Variants in PACS1 observed in about 807,000 individuals in gnomAD.
PACS1 encodes phosphofurin acidic cluster sorting protein 1.
Under a neutral mutation model 115.0 loss-of-function variants are expected in PACS1, and 24 were observed. The ratio of observed to expected loss-of-function variants is 0.21; its 90% CI spans 0.15 to 0.29. The LOEUF is 0.29. Ranked by LOEUF, PACS1 falls within the 10% of genes least tolerant of loss-of-function variation. PACS1 has a pLI of 1.00. For synonymous variants in PACS1, 453 were observed against 504.5 expected (o/e 0.90, Z 1.37); for missense variants, 838 against 1,251.2 (o/e 0.67, Z 4.98).
intron 1 of PACS1, among the ~76,000 whole-genome samples, chr11:66,167,194 C>T (rs1034630024): frequency 2.0e-5 from 3 of 150,230 alleles, no homozygotes; most frequent in South Asian, 2.1e-4. Context: ...TTTCCTCTTC[C>T]GGAAACATGG....
At chr11:66,134,612 T>A (rs1858799189) in intron 1 of PACS1, among the ~76,000 whole-genome samples, 1 of 152,076 alleles carries the variant, frequency 6.6e-6, no homozygotes, top group Non-Finnish European at 1.5e-5. Flanking sequence ...TTCCAATGGC[T>A]TATAGTTTAG....
At chr11:66,119,596 T>A (rs889231772) in intron 1 of PACS1, among the ~76,000 whole-genome samples, 2 of 152,254 alleles carry the variant, frequency 1.3e-5, no homozygotes, top group African/African-American at 4.8e-5. Flanking sequence ...ATTTGAGACA[T>A]CTCTTTTCCT....
At position 66,230,589 on chromosome 11, in the gene PACS1, T is replaced by C; in HGVS notation, c.1416T>C (p.Ser472=). 1 of 1,613,878 alleles carries C rather than the reference T, an allele frequency of 6.2e-7. No homozygotes were observed. The highest frequency in any genetic ancestry group is 8.5e-7 in the Non-Finnish European group (1 of 1,179,914). The change falls in exon 12 of 24, where the codon AGT becomes AGC. Residue 472 remains serine, a synonymous_variant. Transcript: ENST00000320580. The part of the protein sequence containing the change: ...DQDMFGDAST[S]LVVPEKVKTP... ...ACATGTTTGGAGATGCCAGCACGAG[T>C]CTGGTTGTGCCGGAGAAAGTCAAAA...
chr11:66,189,932 A>T (rs1036100557), intron 1 of PACS1, among the ~76,000 whole-genome samples: 4 of 152,200 alleles, frequency 2.6e-5, no homozygotes, highest in African/African-American at 7.2e-5. Flanking sequence ...TTCTCTGCAA[A>T]CCTGGCTGCT....
intron 1 of PACS1, among the ~76,000 whole-genome samples, chr11:66,143,432 T>C (rs1192279490): frequency 1.3e-5 from 2 of 152,192 alleles, no homozygotes; most frequent in Non-Finnish European, 2.9e-5. Context: ...GTCTGCTTGA[T>C]GCCAACGTGC....
chr11:66,220,541 A>C, intron 8 of PACS1, 90 bp from the exon 9 acceptor site: 1 of 1,262,798 alleles, frequency 7.9e-7, no homozygotes, highest in Non-Finnish European at 1.1e-6. Flanking sequence ...AAGCAGGACT[A>C]TAAGGGCAGC....
At chr11:66,127,854 G>A (rs1858615665) in intron 1 of PACS1, among the ~76,000 whole-genome samples, 1 of 152,220 alleles carries the variant, frequency 6.6e-6, no homozygotes, top group Non-Finnish European at 1.5e-5. Context: ...ATGGGACATT[G>A]TATGTATGTC....
intron 1 of PACS1, among the ~76,000 whole-genome samples, chr11:66,122,052 A>G (rs958272241): frequency 6.6e-6 from 1 of 152,192 alleles, no homozygotes; most frequent in South Asian, 2.1e-4. Context: ...TCTGGCTTCA[A>G]CATTTCAGAG....
chr11:66,243,029 G>A lies in PACS1; in HGVS notation c.2774G>A (p.Arg925Lys), dbSNP rs1855846762. The change falls in exon 23 of 24, where the codon AGA becomes AAA. Residue 925 changes from arginine to lysine, a missense_variant and splice_region_variant. By Grantham distance (26) the Arg-to-Lys change is conservative (BLOSUM62 2). Around this residue, in one of 6 missense-constraint regions of PACS1, gnomAD observed 84 missense variants for 187.1 expected, o/e 0.45. Coordinates refer to ENST00000320580, the MANE Select transcript of PACS1 (RefSeq NM_018026.4). ...CSAKQQQTML[R>K]VSIDGVEWSD... Reference sequence around the variant, plus strand: ...GCCAAGCAGCAGCAGACTATGCTGAGAGGTGCGAGGGCAGGCAGGGCCGGG... The same window carrying A: ...GCCAAGCAGCAGCAGACTATGCTGAAAGGTGCGAGGGCAGGCAGGGCCGGG... 1 of 1,613,948 alleles carries A rather than the reference G, an allele frequency of 6.2e-7. No individual in the cohort carries two copies. The highest frequency in any genetic ancestry group is 1.3e-5 in the African/African-American group (1 of 74,998).
intron 1 of PACS1, among the ~76,000 whole-genome samples, chr11:66,073,281 T>C (rs1040957371): frequency 6.6e-6 from 1 of 152,250 alleles, no homozygotes; most frequent in African/African-American, 2.4e-5. Flanking sequence ...CTCCTGGGTG[T>C]CCTTGTTCAT....
At chr11:66,086,030 A>G (rs961178896) in intron 1 of PACS1, among the ~76,000 whole-genome samples, 1 of 152,200 alleles carries the variant, frequency 6.6e-6, no homozygotes, top group Non-Finnish European at 1.5e-5. Flanking sequence ...AAATCTTCAT[A>G]AAGTTCTACA....
intron 1 of PACS1, among the ~76,000 whole-genome samples, chr11:66,181,142 A>G (rs1356809144): frequency 2.0e-5 from 3 of 151,076 alleles, no homozygotes; most frequent in African/African-American, 7.3e-5. Context: ...TATGGAAGGT[A>G]TATATTTTTT....
chr11:66,217,353 C>G, intron 7 of PACS1: 1 of 334,666 alleles, frequency 3.0e-6, no homozygotes. Context: ...CATTTGAGTC[C>G]TGAACTAAGA....
At chr11:66,204,440 G>A (rs113477745) in intron 2 of PACS1, among the ~76,000 whole-genome samples, 101 of 152,264 alleles carry the variant, frequency 6.6e-4, no homozygotes, top group Non-Finnish European at 1.5e-4. Context: ...TACACTGTTG[G>A]TAGGAATGTA....
At chr11:66,237,943 C>T (rs1297084397) in intron 19 of PACS1, 2 of 392,092 alleles carry the variant, frequency 5.1e-6, no homozygotes, top group African/African-American at 4.4e-5. Flanking sequence ...CAGGCCTGTG[C>T]GGTAGATTTC....
Position 66,234,145 on chromosome 11 carries a change from G to T in PACS1, c.2007G>T (p.Val669=), listed in dbSNP as rs1180946248. 6.2e-7 allele frequency: 1 copy of T among 1,613,090 alleles called. No homozygotes were observed. The highest frequency in any genetic ancestry group is 8.5e-7 in the Non-Finnish European group (1 of 1,179,034). Residue 669 remains valine (V), a synonymous_variant, in exon 17 of 24, where the codon GTG becomes GTT. Transcript: ENST00000320580. Reference sequence around the variant, plus strand: ...TCCATCTACCAGGTTCTCACCCTGTGGCCAAATACTTGGGGTCAGTCGACA... The same window carrying T: ...TCCATCTACCAGGTTCTCACCCTGTTGCCAAATACTTGGGGTCAGTCGACA... ...FLIIPLGSHP[V]AKYLGSVDSK...
intron 2 of PACS1, among the ~76,000 whole-genome samples, chr11:66,202,739 AAAAATATATATATATATATATATATAT>A (rs1854835403): frequency 1.4e-5 from 1 of 73,058 alleles, no homozygotes; most frequent in Non-Finnish European, 2.7e-5. Context: ...AAAAAAAAAA[AAAAATATATATATATATATATATATAT>A]ATATATATAT....
At chr11:66,172,747 G>A (rs1859767660) in intron 1 of PACS1, among the ~76,000 whole-genome samples, 1 of 152,108 alleles carries the variant, frequency 6.6e-6, no homozygotes, top group Non-Finnish European at 1.5e-5. Context: ...GGAGGCCGAG[G>A]CAGCCAGATC....
intron 4 of PACS1, among the ~76,000 whole-genome samples, chr11:66,214,679 T>C (rs1855158829): frequency 6.8e-6 from 1 of 147,032 alleles, no homozygotes; most frequent in East Asian, 2.0e-4. Context: ...TGGAATGCAG[T>C]GGTGCAATCA....
Sources: allele counts gnomAD v4.1 joint callset (sites outside exome capture counted in the v4.1 genomes callset), GRCh38; gene constraint gnomAD v4.1.1; regional missense constraint gnomAD v4.1.1; transcripts MANE v1.5; gene names NCBI Gene and HGNC (gene_info 2026-07-23, HGNC 2026-07-21).